ERC2: variants seen among roughly 807,000 people sequenced by gnomAD.
ERC2 encodes the protein ELKS/RAB6-interacting/CAST family member 2, also known as ERC protein 2.
Under a neutral mutation model 114.8 loss-of-function variants are expected in ERC2, and 42 were observed. The ratio of observed to expected loss-of-function variants is 0.37; its 90% CI spans 0.29 to 0.47. ERC2 has a LOEUF of 0.47. ERC2 is among the 20% of genes least tolerant of loss of function. The pLI, the probability that ERC2 is intolerant of heterozygous loss-of-function variation, is 0.99. For synonymous variants in ERC2, 454 were observed against 425.5 expected, an observed-to-expected ratio of 1.07 and a Z score of -0.82; for missense variants, 939 against 1,150.7, an observed-to-expected ratio of 0.82 and a Z score of 2.66.
intron 17 of ERC2, among the ~76,000 whole-genome samples, chr3:55,525,538 G>C (rs1422807518): frequency 6.6e-6 from 1 of 152,206 alleles, no homozygotes; most frequent in East Asian, 1.9e-4. Flanking sequence ...GAGCTACCGA[G>C]TGGAAGAGGG....
At chr3:56,165,780 G>C (rs1431746409) in intron 4 of ERC2, among the ~76,000 whole-genome samples, 1 of 150,380 alleles carries the variant, frequency 6.6e-6, no homozygotes, top group African/African-American at 2.5e-5. Flanking sequence ...TTAAAATACT[G>C]GCCAGCCATT....
At chr3:56,149,234 A>T (rs564794422) in intron 4 of ERC2, 102 bp from the exon 5 acceptor site, 22 of 1,119,672 alleles carry the variant, frequency 2.0e-5, no homozygotes, top group Non-Finnish European at 2.8e-5. Flanking sequence ...GTGCTGTCAC[A>T]TATTAACCAT....
At chr3:55,525,216 GT>G (rs2053232279) in intron 17 of ERC2, among the ~76,000 whole-genome samples, 1 of 152,248 alleles carries the variant, frequency 6.6e-6, no homozygotes, top group Non-Finnish European at 1.5e-5. Context: ...CTGGGATACA[GT>G]TATAATTTTT....
intron 5 of ERC2, among the ~76,000 whole-genome samples, chr3:56,139,935 A>T (rs1019479404): frequency 1.3e-5 from 2 of 152,140 alleles, no homozygotes; most frequent in African/African-American, 2.4e-5. Context: ...CTGTGGACCA[A>T]ATTTCACAAT....
At chr3:56,020,059 A>G (rs1179068954) in intron 7 of ERC2, among the ~76,000 whole-genome samples, 2 of 152,138 alleles carry the variant, frequency 1.3e-5, no homozygotes, top group African/African-American at 4.8e-5. Context: ...TGGTAATCCA[A>G]ATAATAATAA....
At chr3:55,962,005 C>T (rs529318397) in intron 12 of ERC2, among the ~76,000 whole-genome samples, 1 of 152,268 alleles carries the variant, frequency 6.6e-6, no homozygotes, top group South Asian at 2.1e-4. Context: ...GTCCTACTGT[C>T]CTCAGGGTGG....
At chr3:56,386,911 T>C (rs577266372) in intron 2 of ERC2, among the ~76,000 whole-genome samples, 14 of 152,242 alleles carry the variant, frequency 9.2e-5, no homozygotes, top group African/African-American at 3.1e-4. Context: ...GAACAGCATA[T>C]AAAAGTGGTT....
At chr3:56,223,056 C>CA (rs1575925410) in intron 3 of ERC2, among the ~76,000 whole-genome samples, 1 of 152,250 alleles carries the variant, frequency 6.6e-6, no homozygotes, top group Non-Finnish European at 1.5e-5. Context: ...CAGACTGTGC[C>CA]ACCACAGACC....
intron 14 of ERC2, among the ~76,000 whole-genome samples, chr3:55,819,325 G>T (rs1261760365): frequency 6.6e-6 from 1 of 152,160 alleles, no homozygotes; most frequent in Admixed American, 6.5e-5. Flanking sequence ...GCAGGCCAGG[G>T]TTTGATTAGC....
intron 14 of ERC2, among the ~76,000 whole-genome samples, chr3:55,767,218 T>C (rs763604984): frequency 6.6e-6 from 1 of 152,208 alleles, no homozygotes; most frequent in Admixed American, 6.5e-5. Context: ...AGTGGCATAA[T>C]TAGTTAGCAT....
chr3:55,916,276 T>G (rs2065088534), intron 13 of ERC2, among the ~76,000 whole-genome samples: 1 of 152,144 alleles, frequency 6.6e-6, no homozygotes, highest in South Asian at 2.1e-4. Context: ...TACACAAAAA[T>G]CTAGGTTTTT....
chr3:55,877,515 CT>C (rs369593635), intron 14 of ERC2, among the ~76,000 whole-genome samples: 3,285 of 140,472 alleles, frequency 0.023, 83 homozygotes, highest in African/African-American at 0.071. Flanking sequence ...TTTATTTTTT[CT>C]TTTTTTTTTT....
At chr3:55,977,372 G>GGGCAGGGGGAGCATTTAAAAT (rs71099606) in intron 12 of ERC2, among the ~76,000 whole-genome samples, 1 of 151,956 alleles carries the variant, frequency 6.6e-6, no homozygotes, top group African/African-American at 2.4e-5. Flanking sequence ...AGTGACAAAT[G>GGGCAGGGGGAGCATTTAAAAT]TCAGATCAAA....
At chr3:55,771,322 T>A (rs928168512) in intron 14 of ERC2, among the ~76,000 whole-genome samples, 29 of 152,184 alleles carry the variant, frequency 1.9e-4, no homozygotes, top group African/African-American at 6.0e-4. Context: ...TTATCCTGAT[T>A]TACCTTAAAG....
chr3:55,750,231 T>G (rs2066602226), intron 14 of ERC2, among the ~76,000 whole-genome samples: 1 of 152,198 alleles, frequency 6.6e-6, no homozygotes, highest in Admixed American at 6.5e-5. Flanking sequence ...TCTTCATTGT[T>G]AAGATACAGG....
intron 5 of ERC2, among the ~76,000 whole-genome samples, chr3:56,140,810 G>A (rs1319796895): frequency 6.6e-6 from 1 of 152,026 alleles, no homozygotes; most frequent in Admixed American, 6.5e-5. Flanking sequence ...CAGATCACAA[G>A]GTCAGGAGTT....
chr3:55,678,734 T>C (rs906088446), intron 17 of ERC2, among the ~76,000 whole-genome samples: 1 of 152,186 alleles, frequency 6.6e-6, no homozygotes, highest in African/African-American at 2.4e-5. Context: ...CCAGAGCGAC[T>C]GGACATCTGG....
At chr3:55,655,650 G>A (rs115471030) in intron 17 of ERC2, among the ~76,000 whole-genome samples, 3,721 of 152,176 alleles carry the variant, frequency 0.024, 147 homozygotes, top group African/African-American at 0.086. Context: ...ATGGATAGTT[G>A]CTGGGTCAGC....
At chr3:56,217,699 G>C (rs2049585925) in intron 3 of ERC2, among the ~76,000 whole-genome samples, 1 of 152,152 alleles carries the variant, frequency 6.6e-6, no homozygotes, top group African/African-American at 2.4e-5. Flanking sequence ...TAAGCCAAAA[G>C]AACAAAGCTG....
Sources: gnomAD v4.1 joint callset for allele counts (sites outside exome capture counted in the v4.1 genomes callset) on GRCh38, gnomAD v4.1.1 for gene constraint, MANE v1.5 for transcripts, NCBI Gene and HGNC (gene_info 2026-07-23, HGNC 2026-07-21) for gene names.